PCDHGA5: variants seen among roughly 807,000 people sequenced by gnomAD.
The protein encoded by PCDHGA5 is protocadherin gamma-A5.
PCDHGA5 carries 36 observed loss-of-function variants against 56.7 expected under a neutral mutation model. The ratio of observed to expected loss-of-function variants is 0.64; its 90% CI spans 0.49 to 0.84. The LOEUF (loss-of-function observed/expected upper bound fraction) is 0.84. PCDHGA5 is among the 40% of genes least tolerant of loss of function. PCDHGA5 has a pLI of 0.00. For synonymous variants in PCDHGA5, 563 were observed against 520.2 expected (o/e 1.08, Z -1.12); for missense variants, 1,305 against 1,201.5 (o/e 1.09, Z -1.27).
intron 1 of PCDHGA5, chr5:141,393,114 C>T (rs750579370): frequency 1.9e-6 from 3 of 1,613,418 alleles, no homozygotes; most frequent in Non-Finnish European, 8.5e-7. Context: ...TCAGAGCCCG[C>T]GGTGTCTGAT....
At chr5:141,385,050 G>C in intron 1 of PCDHGA5, 1 of 1,614,164 alleles carries the variant, frequency 6.2e-7, no homozygotes, top group Non-Finnish European at 8.5e-7. Flanking sequence ...TCAGGCTGCG[G>C]CGCTGGCACA....
At chr5:141,474,964 CATT>C (rs1489874965) in intron 1 of PCDHGA5, among the ~76,000 whole-genome samples, 1 of 152,216 alleles carries the variant, frequency 6.6e-6, no homozygotes, top group Non-Finnish European at 1.5e-5. Context: ...CTATCCTAAT[CATT>C]ATAATTTTGT....
intron 1 of PCDHGA5, among the ~76,000 whole-genome samples, chr5:141,463,209 A>G (rs1189251811): frequency 6.6e-6 from 1 of 152,140 alleles, no homozygotes; most frequent in African/African-American, 2.4e-5. Flanking sequence ...TTGGGGATCC[A>G]TATTAATATT....
intron 1 of PCDHGA5, chr5:141,377,572 G>A (rs1046181930): frequency 4.6e-5 from 7 of 151,346 alleles, no homozygotes; most frequent in Admixed American, 1.3e-4. Context: ...CCCTAGCCTG[G>A]GAGACAGAAT....
chr5:141,476,229 C>A lies in PCDHGA5; in HGVS notation c.2422-18578C>A, dbSNP rs761790915. The A allele has an allele frequency of 1.9e-6, 3 of 1,613,872 alleles. No homozygotes were observed. The South Asian group carries it at 3.3e-5, about 18-fold the overall frequency. ...TCCACGGTCATTCACTATGAGATCC[C>A]GGAGGAAAGAGAGAAGGGTTTCGCT... On this transcript the variant is annotated intron_variant, in intron 1 of 3. Transcript: ENST00000518069. This position sits in a 1 kb window ranked among gnomAD's most constrained non-coding sequence, Gnocchi z 7.6.
At chr5:141,398,895 A>G (rs2093721929) in intron 1 of PCDHGA5, 3 of 1,613,988 alleles carry the variant, frequency 1.9e-6, no homozygotes, top group African/African-American at 1.3e-5. Flanking sequence ...AAAACGTGCC[A>G]CCAGGCACCA....
chr5:141,408,053 TC>T, intron 1 of PCDHGA5: 1 of 1,288,090 alleles, frequency 7.8e-7, no homozygotes, highest in South Asian at 1.6e-5. Context: ...ACACAGAGCC[TC>T]CCGGCTGCGC....
rs1329158220 is a variant in PCDHGA5, at chr5:141,413,339, A to G, written c.2421+46588A>G. On this transcript the variant is annotated intron_variant, in intron 1 of 3. Coordinates refer to ENST00000518069, the MANE Select transcript of PCDHGA5 (RefSeq NM_018918.3). Reference sequence around the variant, plus strand: ...TCTTTCGTGGGCAACATCTCCAAGGACTTGGGTCTGGCGCCCCGGGAGCTG... The same window carrying G: ...TCTTTCGTGGGCAACATCTCCAAGGGCTTGGGTCTGGCGCCCCGGGAGCTG... The G allele has an allele frequency of 1.3e-5, 21 of 1,613,832 alleles. No individual in the cohort carries two copies. Among genetic ancestry groups the G allele is most frequent in the African/African-American group, 2.7e-5 (2 of 74,940 alleles).
chr5:141,375,817 G>A (rs376557886), intron 1 of PCDHGA5: 6 of 1,614,046 alleles, frequency 3.7e-6, no homozygotes, highest in Non-Finnish European at 4.2e-6. Flanking sequence ...TGGAGCTGGC[G>A]CCCCGCTCCG....
At chr5:141,394,486 A>G (rs1446259630) in intron 1 of PCDHGA5, 2 of 1,613,980 alleles carry the variant, frequency 1.2e-6, no homozygotes, top group Non-Finnish European at 8.5e-7. Flanking sequence ...CAGAATGACA[A>G]CGCGCCCGAG....
intron 1 of PCDHGA5, among the ~76,000 whole-genome samples, chr5:141,453,710 A>C (rs988115758): frequency 3.9e-5 from 6 of 152,242 alleles, no homozygotes; most frequent in African/African-American, 1.4e-4. Context: ...GAACAGTTTC[A>C]CTATAAAAAT....
At chr5:141,403,724 G>A (rs373210176) in intron 1 of PCDHGA5, 2 of 1,613,924 alleles carry the variant, frequency 1.2e-6, no homozygotes, top group Non-Finnish European at 1.7e-6. Flanking sequence ...CGTGCCCCCA[G>A]GCACCTGGCT....
At chr5:141,404,891 C>G in intron 1 of PCDHGA5, 1 of 1,613,898 alleles carries the variant, frequency 6.2e-7, no homozygotes, top group African/African-American at 1.3e-5. Context: ...GGTGGCTGTA[C>G]AGGACCATGG....
chr5:141,465,643 C>T (rs561758040), intron 1 of PCDHGA5, among the ~76,000 whole-genome samples: 2 of 152,306 alleles, frequency 1.3e-5, no homozygotes, highest in East Asian at 3.9e-4. Flanking sequence ...ATGCTTTGAA[C>T]ATCCCAAAAA....
Position 141,486,487 on chromosome 5 carries a change from C to G in PCDHGA5, c.2422-8320C>G. The G allele has an allele frequency of 6.2e-7, 1 of 1,614,086 alleles. No homozygotes were observed. The highest frequency in any genetic ancestry group is 1.1e-5 in the South Asian group (1 of 91,074). ...CTGGGAACCCTCCTCTCAGTACCCA[C>G]AGAACTATTTTCCTCAATATTTCAG... On this transcript the variant is annotated intron_variant, in intron 1 of 3. Coordinates refer to ENST00000518069, the MANE Select transcript of PCDHGA5 (RefSeq NM_018918.3). This position sits in a 1 kb window ranked among gnomAD's most constrained non-coding sequence, Gnocchi z 5.0.
rs749044339 is a variant in PCDHGA5, at chr5:141,477,410, G to A, written c.2422-17397G>A. On this transcript the variant is annotated intron_variant, in intron 1 of 3. Coordinates refer to ENST00000518069, the MANE Select transcript of PCDHGA5 (RefSeq NM_018918.3). This position sits in a 1 kb window ranked among gnomAD's most constrained non-coding sequence, Gnocchi z 4.9. ...CAACCTCAGCATCACCGCCCGAGAC[G>A]CCGGAACCCCTTCCCTCTCAGCCCT... 66 of 1,613,988 alleles carry A rather than the reference G, an allele frequency of 4.1e-5. 1 individual carries two copies. The South Asian group carries it at 7.0e-4, about 17-fold the overall frequency.
intron 1 of PCDHGA5, chr5:141,418,454 A>G (rs1211470387): frequency 3.1e-6 from 5 of 1,613,774 alleles, no homozygotes; most frequent in Non-Finnish European, 3.4e-6. Flanking sequence ...ATTGCAGAAG[A>G]CTCTGGACCG....
In PCDHGA5 at chr5:141,384,908, A is replaced by C. The variant is rs868472813; in HGVS notation, c.2421+18157A>C. 24 of 1,613,860 alleles carry C rather than the reference A, an allele frequency of 1.5e-5. 1 individual carries two copies. The highest frequency in any genetic ancestry group is 9.9e-5 in the South Asian group (9 of 91,086). ...GTGGCTGTGGCTGACAGCATCCCCG[A>C]AGTCTTGGCCGACCTGGGCAGCCTT... On this transcript the variant is annotated intron_variant, in intron 1 of 3. Coordinates refer to ENST00000518069, the MANE Select transcript of PCDHGA5 (RefSeq NM_018918.3).
At chr5:141,415,638 T>G in intron 1 of PCDHGA5, 1 of 1,598,954 alleles carries the variant, frequency 6.3e-7, no homozygotes, top group Non-Finnish European at 8.5e-7. Flanking sequence ...TTTTTACTTT[T>G]GTTAAAAAAA....
Sources: gnomAD v4.1 joint callset for allele counts (sites outside exome capture counted in the v4.1 genomes callset) on GRCh38, gnomAD v4.1.1 for gene constraint, Gnocchi (gnomAD v3.1) non-coding constraint, MANE v1.5 for transcripts, NCBI Gene and HGNC (gene_info 2026-07-23, HGNC 2026-07-21) for gene names.